The following GSK3B variants were observed in gnomAD, a reference collection of about 807,000 sequenced individuals.
GSK3B encodes glycogen synthase kinase-3 beta.
A neutral mutation model predicts 56.4 loss-of-function variants in GSK3B; 15 were observed. That is an observed-to-expected ratio of 0.27 (90% CI 0.18 to 0.41). The LOEUF is 0.41. GSK3B is among the 10% of genes least tolerant of loss of function. The pLI is 1.00. For missense variants in GSK3B, 300 were observed against 513.4 expected (o/e 0.58, Z 4.02); for synonymous variants, 181 against 188.9 (o/e 0.96, Z 0.34).
chr3:120,075,284 C>T (rs1027518466), intron 1 of GSK3B, among the ~76,000 whole-genome samples: 3 of 152,034 alleles, frequency 2.0e-5, no homozygotes, highest in Admixed American at 1.3e-4. Flanking sequence ...TAATCAATGG[C>T]GAGAAACTGA....
At chr3:119,904,866 C>A (rs1382568189) in intron 7 of GSK3B, among the ~76,000 whole-genome samples, 1 of 151,476 alleles carries the variant, frequency 6.6e-6, no homozygotes. Context: ...TGGGATATCA[C>A]AAACAAAGCC....
intron 5 of GSK3B, among the ~76,000 whole-genome samples, chr3:119,913,571 T>C (rs968244619): frequency 1.3e-5 from 2 of 151,886 alleles, no homozygotes; most frequent in African/African-American, 4.8e-5. Flanking sequence ...TAAACTGCTG[T>C]AGAAGCCAGC....
chr3:120,048,498 A>G (rs1247722920), intron 1 of GSK3B, among the ~76,000 whole-genome samples: 2 of 152,204 alleles, frequency 1.3e-5, no homozygotes, highest in African/African-American at 2.4e-5. Context: ...AGCCAAGTTT[A>G]TTTATTTCAG....
intron 10 of GSK3B, among the ~76,000 whole-genome samples, chr3:119,839,618 T>C (rs1237108863): frequency 6.6e-6 from 1 of 152,200 alleles, no homozygotes; most frequent in Non-Finnish European, 1.5e-5. Flanking sequence ...TCAGTTATGG[T>C]AGTCTTTTGA....
Position 119,857,689 on chromosome 3 carries a change from C to T in GSK3B, c.1096+5730G>A, listed in dbSNP as rs547302735. Among the ~76,000 whole-genome samples, 22 of 152,302 alleles carry T rather than the reference C, an allele frequency of 1.4e-4. No homozygotes were observed. In the South Asian group the frequency reaches 3.9e-3, roughly 27 times the overall value. ...TTAATGTTGATATTTGGACCTCTTTCACAAATCACAAATGTTCCGAATGAC... is the reference window on the plus strand; with the variant it reads ...TTAATGTTGATATTTGGACCTCTTTTACAAATCACAAATGTTCCGAATGAC... On this transcript the variant is annotated intron_variant, in intron 9 of 10. Coordinates refer to ENST00000264235, the MANE Select transcript of GSK3B (RefSeq NM_001146156.2).
chr3:120,041,751 C>T lies in GSK3B; in HGVS notation c.89-39512G>A, dbSNP rs150008289. 3.5e-3 allele frequency among the ~76,000 whole-genome samples: 534 copies of T among 152,222 alleles called. 12 individuals carry two copies. The highest frequency in any genetic ancestry group is 3.8e-4 in the Non-Finnish European group (26 of 68,004). On this transcript the variant is annotated intron_variant, in intron 1 of 10. Coordinates refer to ENST00000264235, the MANE Select transcript of GSK3B (RefSeq NM_001146156.2). ...AGGAGAAACTCACTTCAGGACTGGG[C>T]GACAGTTCTTTATAGATGGCTCCTC...
chr3:119,893,634 C>G (rs1316817818), intron 7 of GSK3B, among the ~76,000 whole-genome samples: 1 of 152,098 alleles, frequency 6.6e-6, no homozygotes, highest in Non-Finnish European at 1.5e-5. Context: ...GAATGAACTA[C>G]TAAAGGAGGG....
intron 10 of GSK3B, among the ~76,000 whole-genome samples, chr3:119,829,804 G>A (rs2055570468): frequency 6.6e-6 from 1 of 152,166 alleles, no homozygotes; most frequent in Admixed American, 6.5e-5. Context: ...AAATTTGATA[G>A]ACACCCATGC....
At chr3:119,957,447 GACT>G (rs1433327640) in intron 2 of GSK3B, among the ~76,000 whole-genome samples, 1 of 152,224 alleles carries the variant, frequency 6.6e-6, no homozygotes, top group African/African-American at 2.4e-5. Flanking sequence ...CAGGTAATAT[GACT>G]ACTAAAGTAG....
chr3:119,933,065 C>G (rs1027708718), intron 3 of GSK3B, among the ~76,000 whole-genome samples: 1 of 152,074 alleles, frequency 6.6e-6, no homozygotes, highest in Non-Finnish European at 1.5e-5. Context: ...CCGTTGCCCA[C>G]CCCAACCCCT....
chr3:120,060,159 GAC>G (rs1184610015), intron 1 of GSK3B, among the ~76,000 whole-genome samples: 1 of 152,094 alleles, frequency 6.6e-6, no homozygotes, highest in African/African-American at 2.4e-5. Flanking sequence ...GAGAAGAATA[GAC>G]ACAGATAAAC....
chr3:119,967,477 A>C (rs915861463), intron 2 of GSK3B, among the ~76,000 whole-genome samples: 3 of 152,208 alleles, frequency 2.0e-5, no homozygotes, highest in Non-Finnish European at 2.9e-5. Context: ...GTAAAGAAGA[A>C]GTTGGAGGAC....
In GSK3B at chr3:119,899,652, G is replaced by A. The variant is rs118006553; in HGVS notation, c.813+6103C>T. 2.6e-5 allele frequency among the ~76,000 whole-genome samples: 4 copies of A among 152,222 alleles called. No homozygotes were observed. The East Asian group carries it at 5.8e-4, about 22-fold the overall frequency. ...TTAGACAAACATTTGTAACAAAAAT[G>A]TAACTCTCAACTTCTGTAGAACTGT... On this transcript the variant is annotated intron_variant, in intron 7 of 10. Coordinates refer to ENST00000264235, the MANE Select transcript of GSK3B (RefSeq NM_001146156.2).
intron 2 of GSK3B, among the ~76,000 whole-genome samples, chr3:119,958,414 T>C (rs1319126953): frequency 1.3e-5 from 2 of 152,070 alleles, no homozygotes; most frequent in African/African-American, 4.8e-5. Context: ...TGGCAGCTCA[T>C]GCCTGTAATC....
At chr3:119,840,363 T>A (rs1170282479) in intron 10 of GSK3B, among the ~76,000 whole-genome samples, 1 of 152,034 alleles carries the variant, frequency 6.6e-6, no homozygotes, top group African/African-American at 2.4e-5. Flanking sequence ...TAGCTGGGAT[T>A]ACAGGCATGC....
rs528127280 is a variant in GSK3B, at chr3:120,093,378, C to T, written c.57G>A (p.Gln19=). 5.3e-5 allele frequency: 86 copies of T among 1,613,584 alleles called. No homozygotes were observed. In the East Asian group the frequency reaches 1.8e-3, roughly 35 times the overall value. The change falls in exon 1 of 11, where the codon CAG becomes CAA. Residue 19 remains glutamine (Q), a synonymous_variant. Transcript: ENST00000264235. Reference sequence around the variant, plus strand: ...CTTTCATGCTGCCAAAAGCTGAAGGCTGCTGCACCGGCTTGCAGCTCTCCG... The same window carrying T: ...CTTTCATGCTGCCAAAAGCTGAAGGTTGCTGCACCGGCTTGCAGCTCTCCG... ...SFAESCKPVQ[Q]PSAFGSMKVS...
intron 10 of GSK3B, among the ~76,000 whole-genome samples, chr3:119,835,536 GTC>G (rs2055677611): frequency 2.6e-5 from 4 of 152,192 alleles, no homozygotes; most frequent in Admixed American, 1.3e-4. Context: ...TAAAAAACAT[GTC>G]TCTCTGCCCA....
At chr3:119,993,401 T>TG (rs1323878447) in intron 2 of GSK3B, among the ~76,000 whole-genome samples, 9 of 151,788 alleles carry the variant, frequency 5.9e-5, no homozygotes, top group Non-Finnish European at 1.5e-5. Context: ...CAGAAACAGA[T>TG]GAACCTAACT....
intron 1 of GSK3B, among the ~76,000 whole-genome samples, chr3:120,030,674 C>T (rs2057967632): frequency 6.6e-6 from 1 of 152,086 alleles, no homozygotes; most frequent in Admixed American, 6.5e-5. Flanking sequence ...CCTTTTTATC[C>T]TTTATGTCTC....
Sources: gnomAD v4.1 joint callset for allele counts (sites outside exome capture counted in the v4.1 genomes callset) on GRCh38, gnomAD v4.1.1 for gene constraint, MANE v1.5 for transcripts, NCBI Gene and HGNC (gene_info 2026-07-23, HGNC 2026-07-21) for gene names.